Variants in SOX5 observed in about 807,000 individuals in gnomAD.
SOX5 encodes the protein transcription factor SOX-5.
A neutral mutation model predicts 92.0 loss-of-function variants in SOX5; 9 were observed. The ratio of observed to expected loss-of-function variants is 0.10; its 90% CI spans 0.06 to 0.17. The LOEUF (loss-of-function observed/expected upper bound fraction) is 0.17, where lower values mean the gene tolerates loss of function less well. SOX5 is among the 10% of genes least tolerant of loss of function. The pLI is 1.00. For missense variants in SOX5, 642 were observed against 944.5 expected (o/e 0.68, Z 4.20); for synonymous variants, 344 against 336.3 (o/e 1.02, Z -0.25).
At chr12:23,953,859 G>A (rs1030606625), upstream of SOX5, among the ~76,000 whole-genome samples, 4 of 151,866 alleles carry the variant, frequency 2.6e-5, no homozygotes, top group African/African-American at 7.2e-5. Context: ...CTGCCGCATC[G>A]GTATAATGGA....
At chr12:24,450,651 C>T (rs1370111571) in intron 1 of SOX5, among the ~76,000 whole-genome samples, 1 of 152,078 alleles carries the variant, frequency 6.6e-6, no homozygotes, top group Admixed American at 6.5e-5. Flanking sequence ...TGCACCACCA[C>T]ACCTGGCTTT....
intron 4 of SOX5, among the ~76,000 whole-genome samples, chr12:24,043,708 C>CT (rs1422058110): frequency 2.0e-5 from 3 of 152,130 alleles, no homozygotes; most frequent in East Asian, 1.9e-4. Context: ...CATGAGTTTT[C>CT]TTTTTTGTGG....
At chr12:23,880,561 TTTTCTCTCTCA>T (rs1364355655) in intron 2 of SOX5, among the ~76,000 whole-genome samples, 2 of 152,180 alleles carry the variant, frequency 1.3e-5, no homozygotes, top group Admixed American at 6.5e-5. Context: ...TTTCTCTCTC[TTTTCTCTCTCA>T]TTCTCCCTCT....
chr12:23,653,219 C>T lies in SOX5; in HGVS notation c.931+12225G>A, dbSNP rs927966829. On this transcript the variant is annotated intron_variant, in intron 7 of 14. Coordinates refer to ENST00000451604, the MANE Select transcript of SOX5 (RefSeq NM_006940.6). ...CTCACTTGTCACTTCCTACCATATA[C>T]ATTATTCTTAACACTTAGCTGTTTA... 3.3e-5 allele frequency among the ~76,000 whole-genome samples: 5 copies of T among 152,124 alleles called. No individual in the cohort carries two copies. In the South Asian group the frequency reaches 8.3e-4, roughly 25 times the overall value.
intron 1 of SOX5, among the ~76,000 whole-genome samples, chr12:24,504,135 T>G (rs1050137467): frequency 1.3e-5 from 2 of 152,174 alleles, no homozygotes; most frequent in Non-Finnish European, 2.9e-5. Context: ...AATTAATAAT[T>G]ACTCAAATTA....
At chr12:23,704,683 CATGCATATATATAT>C (rs1391425381) in intron 6 of SOX5, among the ~76,000 whole-genome samples, 3 of 16,430 alleles carry the variant, frequency 1.8e-4, no homozygotes, top group Admixed American at 1.1e-3. Flanking sequence ...CATATATATG[CATGCATATATATAT>C]ATATATATAT....
At chr12:23,670,982 G>A (rs969298558) in intron 6 of SOX5, among the ~76,000 whole-genome samples, 1 of 152,158 alleles carries the variant, frequency 6.6e-6, no homozygotes, top group African/African-American at 2.4e-5. Flanking sequence ...AAGCAGACTG[G>A]AGGACTTCAG....
chr12:24,503,295 G>A (rs1308061613), intron 1 of SOX5, among the ~76,000 whole-genome samples: 1 of 152,170 alleles, frequency 6.6e-6, no homozygotes, highest in Non-Finnish European at 1.5e-5. Flanking sequence ...AAATAGGGAG[G>A]CTGAGGCATG....
rs201151563 is a variant in SOX5 at position 23,911,585 on chromosome 12, G to GT, written c.39-15562dup. Among the ~76,000 whole-genome samples, 490 of 152,096 alleles carry GT rather than the reference G, an allele frequency of 3.2e-3. 3 individuals carry two copies. The highest frequency in any genetic ancestry group is 0.011 in the African/African-American group (471 of 41,534). ...TAATGATTAAAACCTCTCTGGAAAT[G>GT]TTTTTTTAAATGATGTATACCTTTT... On this transcript the variant is annotated intron_variant, in intron 1 of 14. Transcript: ENST00000451604.
At chr12:24,327,289 G>A (rs916061436) in intron 2 of SOX5, among the ~76,000 whole-genome samples, 6 of 145,660 alleles carry the variant, frequency 4.1e-5, no homozygotes, top group Admixed American at 7.1e-5. Context: ...TTATCCCAGT[G>A]TTTCCTTATT....
intron 2 of SOX5, among the ~76,000 whole-genome samples, chr12:24,287,238 T>C (rs1945983540): frequency 6.6e-6 from 1 of 152,172 alleles, no homozygotes; most frequent in Admixed American, 6.5e-5. Context: ...TAAATAAAAC[T>C]TACAAGGTAT....
At chr12:24,040,208 G>C (rs1333282138) in intron 4 of SOX5, among the ~76,000 whole-genome samples, 28 of 152,230 alleles carry the variant, frequency 1.8e-4, no homozygotes. Context: ...TTTCCAGGTA[G>C]TCTTTGAAAA....
Position 23,790,548 on chromosome 12 carries a change from T to TCTCTCACACA in SOX5, c.482-34825_482-34824insTGTGTGAGAG, listed in dbSNP as rs1340837266. Among the ~76,000 whole-genome samples, 145 of 137,384 alleles carry TCTCTCACACA rather than the reference T, an allele frequency of 1.1e-3. 1 individual carries two copies. Among genetic ancestry groups the TCTCTCACACA allele is most frequent in the African/African-American group, 3.8e-3 (138 of 36,002 alleles). 90.1% of individuals were successfully genotyped at this position (137,384 alleles called of 152,430 possible). A position where few individuals can be genotyped will look rare whatever the true frequency, so the allele number is the denominator to read the frequency against. ...CTCTCTCTCTCTCTCTCTCAATCTC[T>TCTCTCACACA]CACACACACACACACACACACACAC... On this transcript the variant is annotated intron_variant, in intron 3 of 14. Transcript: ENST00000451604.
chr12:24,326,254 A>G (rs1950669566), intron 2 of SOX5, among the ~76,000 whole-genome samples: 1 of 152,156 alleles, frequency 6.6e-6, no homozygotes, highest in African/African-American at 2.4e-5. Context: ...CTAAAGCCAT[A>G]CAATATTTCT....
In SOX5 at chr12:24,223,802, C is replaced by A. The variant is rs375553062; in HGVS notation, c.-76-10385G>T. On this transcript the variant is annotated intron_variant, in intron 3 of 4. Transcript: ENST00000446891. The stretch of plus-strand genomic sequence containing the variant: ...AAAAAACAACAAACAAACAAACAAA[C>A]AAAAAAACATACACACACGAATGAG... 3.3e-3 allele frequency among the ~76,000 whole-genome samples: 494 copies of A among 151,792 alleles called. 3 individuals are homozygous for A. Among genetic ancestry groups the A allele is most frequent in the Middle Eastern group, 0.024 (7 of 294 alleles).
rs1315138982 is a variant in SOX5 at position 23,786,895 on chromosome 12, A to C, written c.482-31171T>G. 2.1e-5 allele frequency among the ~76,000 whole-genome samples: 3 copies of C among 145,660 alleles called. No individual in the cohort carries two copies. The East Asian group carries it at 6.0e-4, about 29-fold the overall frequency. On this transcript the variant is annotated intron_variant, in intron 3 of 14. Transcript: ENST00000451604. ...TTAACATGTTTTTTTCTTTTTCTGA[A>C]TTAGTTAAGGTTCCTGTTTCGAGTT...
intron 3 of SOX5, among the ~76,000 whole-genome samples, chr12:24,219,779 G>T (rs998187266): frequency 2.0e-5 from 3 of 152,046 alleles, no homozygotes; most frequent in African/African-American, 7.2e-5. Flanking sequence ...GGGATTTGTT[G>T]AACAGAAACC....
chr12:23,873,861 TG>T (rs2096900148), intron 2 of SOX5, among the ~76,000 whole-genome samples: 1 of 152,214 alleles, frequency 6.6e-6, no homozygotes, highest in Non-Finnish European at 1.5e-5. Context: ...CTGGTCATTG[TG>T]CTATAAATAT....
Position 24,201,962 on chromosome 12 carries a change from T to C in SOX5, c.-2+11381A>G, listed in dbSNP as rs185481426. Among the ~76,000 whole-genome samples the C allele has an allele frequency of 8.5e-5, 13 of 152,376 alleles. No homozygotes were observed. In the East Asian group the frequency reaches 1.3e-3, roughly 16 times the overall value. On this transcript the variant is annotated intron_variant, in intron 4 of 4. Coordinates refer to the SOX5 transcript ENST00000446891. ...CTACCAGAATACACTTGGCTCTTCA[T>C]TGGCATTAAACCTTGATCTTCACTT...
Sources: allele counts gnomAD v4.1 joint callset (sites outside exome capture counted in the v4.1 genomes callset), GRCh38; gene constraint gnomAD v4.1.1; transcripts MANE v1.5; gene names NCBI Gene and HGNC (gene_info 2026-07-23, HGNC 2026-07-21).